The following KCNN1 variants were observed in gnomAD, a reference collection of about 807,000 sequenced individuals.
The protein encoded by KCNN1 is potassium calcium-activated channel subfamily N member 1.
Under a neutral mutation model 44.7 loss-of-function variants are expected in KCNN1, and 20 were observed. The ratio of observed to expected loss-of-function variants is 0.45; its 90% CI spans 0.32 to 0.65. The LOEUF is 0.65. KCNN1 is among the 30% of genes least tolerant of loss of function. The probability of loss-of-function intolerance (pLI) is 0.05; values close to 1 mark genes in which losing one functional copy is unlikely to be tolerated. For missense variants in KCNN1, 632 were observed against 785.3 expected (o/e 0.80, Z 2.33); for synonymous variants, 324 against 341.7 (o/e 0.95, Z 0.57).
rs2032411520 is a variant in KCNN1, at chr19:17,981,645, G to C, written c.499-64G>C. On this transcript the variant is annotated intron_variant, in intron 3 of 9. Transcript: ENST00000684775. ...GACGTCACTCTCTGGGGGCGCGGTG[G>C]GGCTGGGCAGGGAGCGCGGCGCGTG... is the stretch of plus-strand genomic sequence containing the variant. 4.8e-6 allele frequency: 7 copies of C among 1,452,178 alleles called. No homozygotes were observed. In the South Asian group the frequency reaches 8.3e-5, roughly 17 times the overall value. 90.0% of individuals were successfully genotyped at this position (1,452,178 alleles called of 1,614,324 possible).
At position 17,993,540 on chromosome 19, in the gene KCNN1, C is replaced by A; in HGVS notation, c.1358C>A (p.Thr453Lys). The change falls in exon 9 of 10, where the codon ACG becomes AAG. Residue 453 changes from threonine to lysine, a missense_variant. By Grantham distance (78) the Thr-to-Lys change is moderately conservative. Coordinates refer to ENST00000684775, the MANE Select transcript of KCNN1 (RefSeq NM_001386974.1). The surrounding 1 kb of genome is among the most constrained non-coding windows in gnomAD (Gnocchi z 4.5). The part of the protein sequence containing the change: ...EQGKLNDQAN[T>K]LTDLAKTQTV... ...GGGAAGCTGAACGACCAGGCTAACA[C>A]GCTTACCGACCTAGCCAAGGTGAGT... 1 of 1,613,890 alleles carries A rather than the reference C, an allele frequency of 6.2e-7. No homozygotes were observed. Among genetic ancestry groups the A allele is most frequent in the Non-Finnish European group, 8.5e-7 (1 of 1,179,844 alleles).
intron 2 of KCNN1, among the ~76,000 whole-genome samples, chr19:17,961,871 G>A (rs1192536246): frequency 6.6e-6 from 1 of 152,158 alleles, no homozygotes; most frequent in Non-Finnish European, 1.5e-5. Context: ...TTACAGGCAT[G>A]AGCCACTGAG....
chr19:17,956,660 C>T (rs985346276), intron 2 of KCNN1, among the ~76,000 whole-genome samples: 1 of 151,632 alleles, frequency 6.6e-6, no homozygotes, highest in Non-Finnish European at 1.5e-5. Context: ...ATGGGGGGAT[C>T]ACTTGAGCCC....
intron 1 of KCNN1, among the ~76,000 whole-genome samples, chr19:17,971,363 C>T (rs1599354267): frequency 6.6e-6 from 1 of 151,940 alleles, no homozygotes; most frequent in African/African-American, 2.4e-5. Flanking sequence ...CACTTGGCCT[C>T]CACCCACCCC....
chr19:17,982,238 C>T, intron 4 of KCNN1, 111 bp downstream of exon 4: 2 of 909,518 alleles, frequency 2.2e-6, no homozygotes, highest in Non-Finnish European at 3.2e-6. Flanking sequence ...CTGGCCATTG[C>T]TTCTGTCTCC....
intron 2 of KCNN1, among the ~76,000 whole-genome samples, chr19:17,957,541 G>C (rs530651563): frequency 3.0e-4 from 46 of 152,190 alleles, no homozygotes; most frequent in African/African-American, 1.1e-3. Flanking sequence ...CTGACAGCTG[G>C]GGGAACAGCA....
At chr19:17,961,320 T>C (rs2145904909) in intron 2 of KCNN1, among the ~76,000 whole-genome samples, 1 of 152,004 alleles carries the variant, frequency 6.6e-6, no homozygotes, top group East Asian at 1.9e-4. Flanking sequence ...TTCACGCTTA[T>C]AATCCCAGCA....
At chr19:17,968,356 A>G (rs2031892174) in intron 1 of KCNN1, among the ~76,000 whole-genome samples, 1 of 150,362 alleles carries the variant, frequency 6.7e-6, no homozygotes, top group African/African-American at 2.4e-5. Context: ...TGAAGCTCTT[A>G]CAGACTGCAA....
chr19:17,953,414 G>A (rs1217452159), intron 1 of KCNN1, among the ~76,000 whole-genome samples: 1 of 152,180 alleles, frequency 6.6e-6, no homozygotes, highest in African/African-American at 2.4e-5. Context: ...CCATTGCCCC[G>A]ATCCCAGGTC....
chr19:17,998,296 C>T lies in KCNN1; in HGVS notation c.1522C>T (p.Arg508Cys), dbSNP rs770427152. The T allele has an allele frequency of 1.8e-5, 28 of 1,544,180 alleles. 1 individual carries two copies. The Middle Eastern group carries it at 6.3e-4, about 35-fold the overall frequency. ...GCCTGGCCTCATCGCCCAAGCCATA[C>T]GCCCACCCCCGCCTCCCCTGCCTCC... ...ALPGLIAQAI[R>C]PPPPPLPPRP... Residue 508 changes from arginine (R) to cysteine (C), a missense_variant, in exon 10 of 10, where the codon CGC becomes TGC. Coordinates refer to ENST00000684775, the MANE Select transcript of KCNN1 (RefSeq NM_001386974.1). This position sits in a 1 kb window ranked among gnomAD's most constrained non-coding sequence, Gnocchi z 5.4.
At chr19:17,985,481 C>T in intron 5 of KCNN1, 28 bp downstream of exon 5, 1 of 1,520,654 alleles carries the variant, frequency 6.6e-7, no homozygotes, top group Non-Finnish European at 8.9e-7. Flanking sequence ...TGTGTATGAT[C>T]CTGGGAGGTC....
In KCNN1 at chr19:17,985,345, C is replaced by T. The variant is rs2145954916; in HGVS notation, c.951C>T (p.Phe317=). The change falls in exon 5 of 10, where the codon TTC becomes TTT. Residue 317 remains phenylalanine, a synonymous_variant. Coordinates refer to ENST00000684775, the MANE Select transcript of KCNN1 (RefSeq NM_001386974.1). ...ACAAGCAGGAAGTGACCAGCAACTT[C>T]CTGGGGGCCATGTGGCTGATTTCCA... ...YHDKQEVTSN[F]LGAMWLISIT... 1.9e-6 allele frequency: 3 copies of T among 1,610,348 alleles called. No individual in the cohort carries two copies. The highest frequency in any genetic ancestry group is 4.5e-5 in the East Asian group (2 of 44,800).
In KCNN1 at chr19:17,981,552, C is replaced by CAA. The variant is rs71164338; in HGVS notation, c.499-142_499-141dup. On this transcript the variant is annotated intron_variant, in intron 3 of 9. Coordinates refer to ENST00000684775, the MANE Select transcript of KCNN1 (RefSeq NM_001386974.1). ...GGGCGATAAGAGCAAAACTCCATCT[C>CAA]AAAAAAAAAAAAAAAAGAAAGAAAG... is the stretch of plus-strand genomic sequence containing the variant. 3.0e-4 allele frequency among the ~76,000 whole-genome samples: 27 copies of CAA among 90,012 alleles called. No homozygotes were observed. In the Middle Eastern group the frequency reaches 0.036, roughly 121 times the overall value. 59.1% of individuals were successfully genotyped at this position (90,012 alleles called of 152,430 possible).
Position 17,993,410 on chromosome 19 carries a change from G to T in KCNN1, c.1308-80G>T. On this transcript the variant is annotated intron_variant, in intron 8 of 9. Transcript: ENST00000684775. This position sits in a 1 kb window ranked among gnomAD's most constrained non-coding sequence, Gnocchi z 4.5. The stretch of plus-strand genomic sequence containing the variant: ...CATGTCCCATAGGTGACCCCGGGTG[G>T]GTGCATGAAAGTCCCTGCCCCCACT... The T allele has an allele frequency of 9.6e-7, 1 of 1,039,534 alleles. No homozygotes were observed. The highest frequency in any genetic ancestry group is 1.5e-6 in the Non-Finnish European group (1 of 677,018). 64.4% of individuals were successfully genotyped at this position (1,039,534 alleles called of 1,614,324 possible).
intron 9 of KCNN1, among the ~76,000 whole-genome samples, chr19:17,996,026 A>C (rs2032976884): frequency 6.6e-6 from 1 of 152,044 alleles, no homozygotes; most frequent in Non-Finnish European, 1.5e-5. Flanking sequence ...ATGGTAGAGA[A>C]AGGAAAATAT....
chr19:17,982,702 G>A (rs745487922), intron 4 of KCNN1: 22 of 672,746 alleles, frequency 3.3e-5, no homozygotes, highest in African/African-American at 9.8e-5. Context: ...GAACGGGCCC[G>A]GCGGGGTGGG....
intron 9 of KCNN1, among the ~76,000 whole-genome samples, chr19:17,996,294 A>G (rs1464290978): frequency 6.6e-6 from 1 of 151,930 alleles, no homozygotes; most frequent in Non-Finnish European, 1.5e-5. Flanking sequence ...AGACAGAGCA[A>G]GACTCTGTCT....
intron 1 of KCNN1, among the ~76,000 whole-genome samples, chr19:17,953,523 C>T (rs2031469862): frequency 6.6e-6 from 1 of 152,250 alleles, no homozygotes; most frequent in Admixed American, 6.5e-5. Flanking sequence ...CTGCCCTCTT[C>T]TCCAGGATCG....
rs1181358946 is a variant in KCNN1, at chr19:17,958,919, C to G, written c.-82+4238C>G. ...GTTTCACCGTGTTAACCAGGATGGT[C>G]TCGATATCCTGACTTCGTGATCCAC... On this transcript the variant is annotated intron_variant, in intron 2 of 10. Transcript: ENST00000222249. Among the ~76,000 whole-genome samples the G allele has an allele frequency of 1.3e-5, 2 of 151,386 alleles. 1 individual carries two copies.
Sources: allele counts gnomAD v4.1 joint callset (sites outside exome capture counted in the v4.1 genomes callset), GRCh38; gene constraint gnomAD v4.1.1; non-coding constraint Gnocchi (gnomAD v3.1); transcripts MANE v1.5; gene names NCBI Gene and HGNC (gene_info 2026-07-23, HGNC 2026-07-21).